The following DDX10 variants were observed in gnomAD, a reference collection of about 807,000 sequenced individuals.
DDX10 encodes probable ATP-dependent RNA helicase DDX10.
In DDX10, 74 loss-of-function variants were observed where a neutral mutation model predicts 104.3. The ratio of observed to expected loss-of-function variants is 0.71; its 90% CI spans 0.59 to 0.86. The LOEUF (loss-of-function observed/expected upper bound fraction) is 0.86, where lower values mean the gene tolerates loss of function less well. Ranked by LOEUF, DDX10 falls within the 40% of genes least tolerant of loss-of-function variation. The probability of loss-of-function intolerance (pLI) is 0.00; values close to 1 mark genes in which losing one functional copy is unlikely to be tolerated. For missense variants in DDX10, 952 were observed against 1,040.0 expected (o/e 0.92, Z 1.16); for synonymous variants, 351 against 353.4 (o/e 0.99, Z 0.08).
chr11:108,830,370 G>T (rs1167027046), intron 13 of DDX10, among the ~76,000 whole-genome samples: 2 of 152,062 alleles, frequency 1.3e-5, no homozygotes, highest in African/African-American at 4.8e-5. Context: ...GGTCACTGTT[G>T]GTGTATAGCA....
chr11:108,738,211 G>A (rs528998825), intron 13 of DDX10, among the ~76,000 whole-genome samples: 4 of 148,470 alleles, frequency 2.7e-5, no homozygotes, highest in South Asian at 2.1e-4. Context: ...CTATTAAAGC[G>A]CTGTATTTGT....
chr11:108,787,075 G>A (rs370562927), intron 13 of DDX10, among the ~76,000 whole-genome samples: 8 of 152,276 alleles, frequency 5.3e-5, no homozygotes, highest in African/African-American at 1.2e-4. Context: ...TGTCTGAGAA[G>A]CATTTTATTT....
At chr11:108,721,380 C>T (rs969706971) in intron 12 of DDX10, among the ~76,000 whole-genome samples, 2 of 152,068 alleles carry the variant, frequency 1.3e-5, no homozygotes, top group African/African-American at 4.8e-5. Flanking sequence ...GAATATGATC[C>T]ATGGCTTAGG....
At chr11:108,908,186 T>C (rs934509900) in intron 16 of DDX10, among the ~76,000 whole-genome samples, 1 of 152,244 alleles carries the variant, frequency 6.6e-6, no homozygotes, top group African/African-American at 2.4e-5. Flanking sequence ...TATCTTTAAC[T>C]ACTGAGGATG....
At chr11:108,691,577 GAAATTA>G (rs1277752178) in intron 7 of DDX10, among the ~76,000 whole-genome samples, 1 of 152,124 alleles carries the variant, frequency 6.6e-6, no homozygotes, top group Non-Finnish European at 1.5e-5. Context: ...ATGGCCACAG[GAAATTA>G]AAATAAGTTT....
At chr11:108,860,676 G>A (rs1219786242) in intron 16 of DDX10, 1 of 152,088 alleles carries the variant, frequency 6.6e-6, no homozygotes, top group Admixed American at 6.6e-5. Flanking sequence ...CTCCCAAGTA[G>A]CTGGGACTAC....
chr11:108,886,892 A>G (rs575898208), intron 16 of DDX10, among the ~76,000 whole-genome samples: 1 of 152,336 alleles, frequency 6.6e-6, no homozygotes, highest in African/African-American at 2.4e-5. Flanking sequence ...GCGAAAATTC[A>G]TGTGCTATTC....
At chr11:108,708,455 T>G (rs572237982) in intron 10 of DDX10, among the ~76,000 whole-genome samples, 1 of 152,034 alleles carries the variant, frequency 6.6e-6, no homozygotes, top group African/African-American at 2.4e-5. Flanking sequence ...AATGTGCTAA[T>G]ATTTTGTTAG....
At chr11:108,938,008 A>G (rs1356386668) in intron 17 of DDX10, among the ~76,000 whole-genome samples, 3 of 152,182 alleles carry the variant, frequency 2.0e-5, no homozygotes, top group East Asian at 1.9e-4. Context: ...ACTCGCCCCA[A>G]TTTTGAAGGA....
At chr11:108,665,754 GAA>G (rs2094209297) in intron 1 of DDX10, among the ~76,000 whole-genome samples, 1 of 152,164 alleles carries the variant, frequency 6.6e-6, no homozygotes, top group Non-Finnish European at 1.5e-5. Context: ...TAAGAGGAAT[GAA>G]ACTTGTCCGA....
intron 16 of DDX10, among the ~76,000 whole-genome samples, chr11:108,859,459 G>A (rs1204272691): frequency 6.6e-6 from 1 of 152,026 alleles, no homozygotes; most frequent in Non-Finnish European, 1.5e-5. Flanking sequence ...AAAAAAAAAG[G>A]GCTGTGTGTG....
At chr11:108,809,787 ATAG>A (rs1282459875) in intron 13 of DDX10, among the ~76,000 whole-genome samples, 1 of 152,184 alleles carries the variant, frequency 6.6e-6, no homozygotes, top group African/African-American at 2.4e-5. Context: ...CTTGGCATAC[ATAG>A]TAGTCATCCA....
chr11:108,740,364 C>A (rs1378177489), intron 13 of DDX10, among the ~76,000 whole-genome samples: 1 of 152,138 alleles, frequency 6.6e-6, no homozygotes, highest in Non-Finnish European at 1.5e-5. Flanking sequence ...GTACATACCA[C>A]ATTTTCTTTA....
intron 16 of DDX10, among the ~76,000 whole-genome samples, chr11:108,880,376 G>A (rs1863211511): frequency 6.6e-6 from 1 of 152,140 alleles, no homozygotes; most frequent in Non-Finnish European, 1.5e-5. Flanking sequence ...TTGGGGGTTA[G>A]GGCTTCAATA....
At chr11:108,889,683 A>G (rs560819225) in intron 16 of DDX10, among the ~76,000 whole-genome samples, 1 of 152,322 alleles carries the variant, frequency 6.6e-6, no homozygotes, top group South Asian at 2.1e-4. Flanking sequence ...TAATCATAGA[A>G]TAGCCATTTA....
intron 5 of DDX10, 94 bp downstream of exon 5, chr11:108,678,529 T>G: frequency 3.9e-6 from 5 of 1,270,938 alleles, no homozygotes; most frequent in Non-Finnish European, 5.3e-6. Flanking sequence ...TTATGTTAGA[T>G]AAATGTTATG....
At chr11:108,819,015 G>A (rs867153040) in intron 13 of DDX10, among the ~76,000 whole-genome samples, 13 of 152,154 alleles carry the variant, frequency 8.5e-5, no homozygotes, top group African/African-American at 2.9e-4. Flanking sequence ...AAGTGGCTTG[G>A]CAGTATGGTG....
intron 16 of DDX10, among the ~76,000 whole-genome samples, chr11:108,880,776 G>GA (rs1863217839): frequency 6.6e-6 from 1 of 152,104 alleles, no homozygotes. Context: ...GACAGATGTG[G>GA]AATTTCCTAT....
At chr11:108,674,315 A>G (rs1358252686) in intron 2 of DDX10, among the ~76,000 whole-genome samples, 3 of 152,026 alleles carry the variant, frequency 2.0e-5, no homozygotes, top group East Asian at 1.9e-4. Context: ...AAAAAATTGT[A>G]TATATTTACA....
Sources: gnomAD v4.1 joint callset for allele counts (sites outside exome capture counted in the v4.1 genomes callset) on GRCh38, gnomAD v4.1.1 for gene constraint, MANE v1.5 for transcripts, NCBI Gene and HGNC (gene_info 2026-07-23, HGNC 2026-07-21) for gene names.